Variants in VPS72 observed in about 807,000 individuals in gnomAD.
VPS72 encodes the protein vacuolar protein sorting-associated protein 72 homolog.
In VPS72, 27 loss-of-function variants were observed where a neutral mutation model predicts 38.9. The ratio of observed to expected loss-of-function variants is 0.69; its 90% CI spans 0.51 to 0.96. VPS72 has a LOEUF of 0.96. Ranked by LOEUF, VPS72 falls within the 40% of genes least tolerant of loss-of-function variation. The pLI is 0.00. For synonymous variants in VPS72, 173 were observed against 186.3 expected (o/e 0.93, Z 0.58); for missense variants, 360 against 479.5 (o/e 0.75, Z 2.33).
intron 4 of VPS72, among the ~76,000 whole-genome samples, chr1:151,181,420 T>C (rs587610846): frequency 1.1e-3 from 173 of 152,182 alleles, no homozygotes; most frequent in African/African-American, 4.0e-3. Context: ...ATTTTTTGTA[T>C]GTTTAGTAGA....
chr1:151,184,502 G>C lies in VPS72; in HGVS notation c.386-9C>G. ...ACGCATAGACTTCCGACCTGGAAGAGAGTGAGATAAGAAGAAATCTTTGAA... is the reference window on the plus strand; with the variant it reads ...ACGCATAGACTTCCGACCTGGAAGACAGTGAGATAAGAAGAAATCTTTGAA... On this transcript the variant is annotated splice_polypyrimidine_tract_variant and intron_variant, in intron 3 of 5. Coordinates refer to ENST00000368892, the MANE Select transcript of VPS72 (RefSeq NM_005997.3). The C allele has an allele frequency of 6.3e-7, 1 of 1,594,792 alleles. No homozygotes were observed.
intron 5 of VPS72, 159 bp from the exon 6 acceptor site, chr1:151,177,190 G>A: frequency 1.4e-6 from 1 of 696,914 alleles, no homozygotes; most frequent in Non-Finnish European, 2.3e-6. Flanking sequence ...TTCGAGACCA[G>A]CCTGACTAAC....
At chr1:151,179,412 A>C (rs1684187948) in intron 4 of VPS72, among the ~76,000 whole-genome samples, 1 of 152,016 alleles carries the variant, frequency 6.6e-6, no homozygotes, top group South Asian at 2.1e-4. Context: ...ATCTTGGCCA[A>C]CATAGAGAAA....
In VPS72 at chr1:151,185,592, T is replaced by C; in HGVS notation, c.299A>G (p.Lys100Arg). The part of the protein sequence containing the change: ...KEPLKSLRPR[K>R]VNTPAGSSQK... The stretch of plus-strand genomic sequence containing the variant: ...AGAGCTACCAGCCGGGGTGTTGACC[T>C]TTCGAGGCCTTAAGCTCTTGAGAGG... The change falls in exon 3 of 6, where the codon AAG becomes AGG. Residue 100 changes from lysine to arginine, a missense_variant. Physicochemically the swap from Lys to Arg is conservative, Grantham distance 26 (BLOSUM62 2). Around this residue, in one of 2 missense-constraint regions of VPS72, gnomAD observed 294 missense variants for 356.3 expected, o/e 0.83. Coordinates refer to ENST00000368892, the MANE Select transcript of VPS72 (RefSeq NM_005997.3). 1 of 1,614,162 alleles carries C rather than the reference T, an allele frequency of 6.2e-7. No homozygotes were observed. Among genetic ancestry groups the C allele is most frequent in the South Asian group, 1.1e-5 (1 of 91,088 alleles).
Position 151,176,355 on chromosome 1 carries a change from A to G in VPS72, c.*289T>C. On this transcript the variant is annotated 3_prime_UTR_variant, in exon 6 of 6. Transcript: ENST00000368892. ...ATAATTTAGTTGGAGGAATGAATACAATTTAGAAAGGACAGCTCATAATAA... is the reference window on the plus strand; with the variant it reads ...ATAATTTAGTTGGAGGAATGAATACGATTTAGAAAGGACAGCTCATAATAA... 2.6e-6 allele frequency: 1 copy of G among 383,052 alleles called. No homozygotes were observed. Among genetic ancestry groups the G allele is most frequent in the Non-Finnish European group, 4.7e-6 (1 of 212,538 alleles). The allele number at this position is 383,052 out of a possible 1,614,324, so 23.7% of individuals were successfully genotyped here.
chr1:151,178,320 CTGCTTA>C lies in VPS72; in HGVS notation c.563-181_563-176del, dbSNP rs1684162401. Among the ~76,000 whole-genome samples, 3 of 152,284 alleles carry C rather than the reference CTGCTTA, an allele frequency of 2.0e-5. No homozygotes were observed. In the South Asian group the frequency reaches 6.2e-4, roughly 32 times the overall value. On this transcript the variant is annotated intron_variant, in intron 4 of 5. Coordinates refer to ENST00000368892, the MANE Select transcript of VPS72 (RefSeq NM_005997.3). Reference sequence around the variant, plus strand: ...TGGCACCTCCCATTTTGTAAGTTTTCTGCTTATAAGTTTTTTCTTGACATCCTCTCT... The same window carrying C: ...TGGCACCTCCCATTTTGTAAGTTTTCTAAGTTTTTTCTTGACATCCTCTCT...
intron 1 of VPS72, among the ~76,000 whole-genome samples, chr1:151,189,232 TTC>T (rs1390761902): frequency 6.6e-6 from 1 of 152,182 alleles, no homozygotes; most frequent in Non-Finnish European, 1.5e-5. Flanking sequence ...GTTTTTAATA[TTC>T]TGTTTCCCTA....
At chr1:151,186,251 T>C (rs587763290) in intron 1 of VPS72, among the ~76,000 whole-genome samples, 5 of 145,972 alleles carry the variant, frequency 3.4e-5, no homozygotes, top group African/African-American at 1.2e-4. Context: ...ATAATCTTAC[T>C]TTTTTTTTTT....
At position 151,184,305 on chromosome 1, in the gene VPS72, CCA is replaced by C. The variant is rs1558214812; in HGVS notation, c.562+10_562+11del. 6.2e-7 allele frequency: 1 copy of C among 1,612,602 alleles called. No individual in the cohort carries two copies. Among genetic ancestry groups the C allele is most frequent in the Middle Eastern group, 1.7e-4 (1 of 6,060 alleles). ...GCCCCTCTACTCACTTTTTCTGAAA[CCA>C]CAGACTTACCCAGTGACCGTAAATT... On this transcript the variant is annotated intron_variant, in intron 4 of 5. Coordinates refer to ENST00000368892, the MANE Select transcript of VPS72 (RefSeq NM_005997.3).
At chr1:151,180,032 C>A (rs1684205865) in intron 4 of VPS72, among the ~76,000 whole-genome samples, 1 of 151,326 alleles carries the variant, frequency 6.6e-6, no homozygotes, top group Admixed American at 6.6e-5. Flanking sequence ...AAAGAGTACT[C>A]TGGAGGCCAG....
Position 151,185,799 on chromosome 1 carries a change from T to C in VPS72, c.269A>G (p.Lys90Arg). The C allele has an allele frequency of 6.2e-7, 1 of 1,614,160 alleles. No individual in the cohort carries two copies. The highest frequency in any genetic ancestry group is 8.5e-7 in the Non-Finnish European group (1 of 1,180,014). Residue 90 changes from lysine to arginine, a missense_variant and splice_region_variant, in exon 2 of 6, where the codon AAG (lysine) becomes AGG (arginine). Physicochemically the swap from Lys to Arg is conservative, Grantham distance 26. Coordinates refer to ENST00000368892, the MANE Select transcript of VPS72 (RefSeq NM_005997.3). ...AGACAACTAGGACTCCCCCTGTACC[T>C]TATAGGCCTTGGTGACTACTCGGCG... ...RKRRVVTKAY[K>R]EPLKSLRPRK...
chr1:151,182,165 T>A (rs1684255637), intron 4 of VPS72, among the ~76,000 whole-genome samples: 2 of 152,174 alleles, frequency 1.3e-5, no homozygotes, highest in Admixed American at 6.5e-5. Flanking sequence ...GTAGCTGGGA[T>A]TACAGGCATG....
intron 1 of VPS72, among the ~76,000 whole-genome samples, chr1:151,189,778 G>A (rs1034426950): frequency 6.6e-6 from 1 of 152,096 alleles, no homozygotes; most frequent in Admixed American, 6.5e-5. Context: ...CCTCCGGAGA[G>A]CTTCTCCGTC....
chr1:151,188,434 C>T (rs891969894), intron 1 of VPS72, among the ~76,000 whole-genome samples: 3 of 152,154 alleles, frequency 2.0e-5, no homozygotes, highest in Non-Finnish European at 4.4e-5. Flanking sequence ...GAGTAAGTAA[C>T]CTTCCTAAAG....
At chr1:151,180,727 C>T (rs375677934) in intron 4 of VPS72, among the ~76,000 whole-genome samples, 2 of 152,172 alleles carry the variant, frequency 1.3e-5, no homozygotes, top group Non-Finnish European at 2.9e-5. Flanking sequence ...TGAGCCACCA[C>T]GCCTGGCCCA....
At chr1:151,183,113 C>A (rs941468256) in intron 4 of VPS72, among the ~76,000 whole-genome samples, 1 of 152,086 alleles carries the variant, frequency 6.6e-6, no homozygotes, top group Admixed American at 6.6e-5. Flanking sequence ...GTCTCCTAAG[C>A]CAGTTACTGA....
At chr1:151,178,584 G>A (rs1472344757) in intron 4 of VPS72, among the ~76,000 whole-genome samples, 1 of 151,958 alleles carries the variant, frequency 6.6e-6, no homozygotes, top group African/African-American at 2.4e-5. Context: ...AGCTGAGATG[G>A]CACCACATTG....
intron 1 of VPS72, among the ~76,000 whole-genome samples, chr1:151,187,911 C>T (rs1307482459): frequency 6.6e-6 from 1 of 152,038 alleles, no homozygotes; most frequent in Non-Finnish European, 1.5e-5. Context: ...TTTTTGGAAG[C>T]ATGAAGGGTA....
intron 5 of VPS72, among the ~76,000 whole-genome samples, chr1:151,177,343 C>T (rs1684134396): frequency 6.7e-6 from 1 of 148,938 alleles, no homozygotes; most frequent in African/African-American, 2.5e-5. Context: ...CAAGATCGTG[C>T]CATTACACTC....
Sources: allele counts gnomAD v4.1 joint callset (sites outside exome capture counted in the v4.1 genomes callset), GRCh38; gene constraint gnomAD v4.1.1; regional missense constraint gnomAD v4.1.1; transcripts MANE v1.5; gene names NCBI Gene and HGNC (gene_info 2026-07-23, HGNC 2026-07-21).